FHIT: variants seen among roughly 807,000 people sequenced by gnomAD.
The protein encoded by FHIT is fragile histidine triad diadenosine triphosphatase.
Under a neutral mutation model 17.9 loss-of-function variants are expected in FHIT, and 19 were observed. That is an observed-to-expected ratio of 1.06 (90% CI 0.74 to 1.56). The LOEUF is 1.56. FHIT is among the 40% of genes most tolerant of loss of function. The pLI, the probability that FHIT is intolerant of heterozygous loss-of-function variation, is 0.00. For missense variants in FHIT, 248 were observed against 189.2 expected (o/e 1.31, Z -1.82); for synonymous variants, 81 against 69.7 (o/e 1.16, Z -0.81).
intron 3 of FHIT, among the ~76,000 whole-genome samples, chr3:60,930,584 C>A (rs1707896766): frequency 6.6e-6 from 1 of 152,178 alleles, no homozygotes; most frequent in Non-Finnish European, 1.5e-5. Context: ...CAAAGGAAGA[C>A]ATTTATGAAG....
chr3:59,759,342 G>T (rs1420907910), intron 8 of FHIT, among the ~76,000 whole-genome samples: 1 of 152,160 alleles, frequency 6.6e-6, no homozygotes, highest in Non-Finnish European at 1.5e-5. Context: ...GAAGGATAAT[G>T]AATTAAAGGG....
At position 60,157,265 on chromosome 3, in the gene FHIT, G is replaced by A. The variant is rs147009542; in HGVS notation, c.104-143113C>T. 4.2e-3 allele frequency among the ~76,000 whole-genome samples: 637 copies of A among 152,196 alleles called. 2 individuals are homozygous for A. Among genetic ancestry groups the A allele is most frequent in the African/African-American group, 0.015 (608 of 41,540 alleles). ...ACCACAGTGAATGATCGGTTATGTC[G>A]GCCAAGGATGTGGGACTCAGAAATG... On this transcript the variant is annotated intron_variant, in intron 5 of 9. Transcript: ENST00000492590.
At chr3:59,967,119 T>C (rs746673181) in intron 7 of FHIT, among the ~76,000 whole-genome samples, 2 of 152,126 alleles carry the variant, frequency 1.3e-5, no homozygotes, top group Non-Finnish European at 2.9e-5. Context: ...CACTCTCTTC[T>C]ATGTCCACAT....
At chr3:60,100,171 G>A (rs1443096454) in intron 5 of FHIT, among the ~76,000 whole-genome samples, 2 of 152,056 alleles carry the variant, frequency 1.3e-5, no homozygotes, top group African/African-American at 4.8e-5. Flanking sequence ...CTGAGGTCAG[G>A]AGTTCGAGAC....
intron 5 of FHIT, among the ~76,000 whole-genome samples, chr3:60,253,512 C>T (rs1705832347): frequency 6.6e-6 from 1 of 152,142 alleles, no homozygotes; most frequent in Non-Finnish European, 1.5e-5. Context: ...TTGCAAATGG[C>T]ATGGAAAAAA....
intron 3 of FHIT, among the ~76,000 whole-genome samples, chr3:60,938,147 A>G (rs1169949642): frequency 6.6e-6 from 1 of 152,232 alleles, no homozygotes; most frequent in African/African-American, 2.4e-5. Flanking sequence ...AGGTGACAAA[A>G]GCAGTGAGAA....
At chr3:60,264,022 T>C (rs1706442359) in intron 5 of FHIT, among the ~76,000 whole-genome samples, 3 of 151,904 alleles carry the variant, frequency 2.0e-5, no homozygotes, top group South Asian at 2.1e-4. Context: ...ATTAAACTTG[T>C]TATGTCCTGA....
chr3:60,299,042 G>A (rs1050024804), intron 5 of FHIT, among the ~76,000 whole-genome samples: 1 of 152,200 alleles, frequency 6.6e-6, no homozygotes, highest in East Asian at 1.9e-4. Context: ...GGAAAATGTT[G>A]TAATCCTGCT....
At chr3:60,120,483 G>A (rs1013511173) in intron 5 of FHIT, among the ~76,000 whole-genome samples, 1 of 152,188 alleles carries the variant, frequency 6.6e-6, no homozygotes, top group African/African-American at 2.4e-5. Context: ...TGCTGATGAA[G>A]CACAATCTTC....
chr3:60,961,091 C>T (rs1216052394), intron 3 of FHIT, among the ~76,000 whole-genome samples: 2 of 152,284 alleles, frequency 1.3e-5, no homozygotes, highest in South Asian at 2.1e-4. Flanking sequence ...CTCTCCAGCA[C>T]CTGTTGTTTC....
intron 3 of FHIT, among the ~76,000 whole-genome samples, chr3:60,861,827 G>A (rs1270499697): frequency 6.6e-6 from 1 of 151,754 alleles, no homozygotes; most frequent in Non-Finnish European, 1.5e-5. Flanking sequence ...GCTAGTTTGT[G>A]TAGTCCCAGC....
intron 4 of FHIT, among the ~76,000 whole-genome samples, chr3:60,793,761 T>C (rs28702371): frequency 6.6e-6 from 1 of 152,176 alleles, no homozygotes; most frequent in Non-Finnish European, 1.5e-5. Flanking sequence ...AACTGGGCTT[T>C]CACTCTCACT....
chr3:61,014,444 G>A (rs749438850), intron 3 of FHIT, among the ~76,000 whole-genome samples: 3 of 151,902 alleles, frequency 2.0e-5, no homozygotes, highest in Non-Finnish European at 2.9e-5. Context: ...CTGTAGCTCT[G>A]TATTTTCATG....
intron 3 of FHIT, among the ~76,000 whole-genome samples, chr3:60,931,866 C>A (rs1231077729): frequency 6.6e-6 from 1 of 152,136 alleles, no homozygotes; most frequent in African/African-American, 2.4e-5. Context: ...CTTAAATGAC[C>A]ATTTTTGAGC....
chr3:60,502,022 A>C (rs1304603338), intron 5 of FHIT, among the ~76,000 whole-genome samples: 1 of 152,214 alleles, frequency 6.6e-6, no homozygotes, highest in East Asian at 1.9e-4. Context: ...GACATGCAAC[A>C]AGATTTCAGA....
At chr3:60,279,634 A>G (rs1217242204) in intron 5 of FHIT, among the ~76,000 whole-genome samples, 1 of 152,184 alleles carries the variant, frequency 6.6e-6, no homozygotes, top group Non-Finnish European at 1.5e-5. Flanking sequence ...ACTAGAAATT[A>G]ATATCGCTCG....
At chr3:60,278,701 T>G (rs1252110533) in intron 5 of FHIT, among the ~76,000 whole-genome samples, 1 of 145,656 alleles carries the variant, frequency 6.9e-6, no homozygotes, top group African/African-American at 2.5e-5. Context: ...CTAAGCTAGA[T>G]TAACATAAAA....
At position 60,175,469 on chromosome 3, in the gene FHIT, A is replaced by C. The variant is rs147169771; in HGVS notation, c.104-161317T>G. ...CTCTTCCTAGTTATAATATCTTGGA[A>C]GACAAAAGATATAGGGTAGGAGGGA... On this transcript the variant is annotated intron_variant, in intron 5 of 9. Transcript: ENST00000492590. 3.8e-3 allele frequency among the ~76,000 whole-genome samples: 578 copies of C among 152,310 alleles called. 5 individuals carry two copies. Among genetic ancestry groups the C allele is most frequent in the African/African-American group, 0.013 (523 of 41,566 alleles).
At chr3:60,716,696 T>C (rs782421036) in intron 4 of FHIT, among the ~76,000 whole-genome samples, 3 of 152,244 alleles carry the variant, frequency 2.0e-5, no homozygotes, top group South Asian at 2.1e-4. Flanking sequence ...TAACAGTCAT[T>C]TGTTATCATT....
Sources: gnomAD v4.1 joint callset for allele counts (sites outside exome capture counted in the v4.1 genomes callset) on GRCh38, gnomAD v4.1.1 for gene constraint, MANE v1.5 for transcripts, NCBI Gene and HGNC (gene_info 2026-07-23, HGNC 2026-07-21) for gene names.